PTGFRN: variants seen among roughly 807,000 people sequenced by gnomAD.
The protein encoded by PTGFRN is prostaglandin F2 receptor inhibitor.
Under a neutral mutation model 83.2 loss-of-function variants are expected in PTGFRN, and 35 were observed. The ratio of observed to expected loss-of-function variants is 0.42; its 90% CI spans 0.32 to 0.56. The LOEUF (loss-of-function observed/expected upper bound fraction) is 0.56. PTGFRN is among the 20% of genes least tolerant of loss of function. The pLI is 0.11. For missense variants in PTGFRN, 1,051 were observed against 1,179.5 expected (o/e 0.89, Z 1.60); for synonymous variants, 519 against 498.6 (o/e 1.04, Z -0.55).
intron 1 of PTGFRN, among the ~76,000 whole-genome samples, chr1:116,921,653 G>T (rs565753391): frequency 6.6e-6 from 1 of 150,424 alleles, no homozygotes; most frequent in Admixed American, 6.6e-5. Context: ...TAGTACTTCC[G>T]CAGCATTAAG....
chr1:116,986,589 G>A (rs142939996), intron 8 of PTGFRN, among the ~76,000 whole-genome samples: 3 of 152,316 alleles, frequency 2.0e-5, no homozygotes, highest in East Asian at 1.9e-4. Flanking sequence ...TATTCTCCCC[G>A]CAGAGCTGGG....
chr1:116,955,406 A>G (rs1650461725), intron 4 of PTGFRN, among the ~76,000 whole-genome samples: 1 of 152,244 alleles, frequency 6.6e-6, no homozygotes, highest in South Asian at 2.1e-4. Context: ...AACTTCAACA[A>G]TAATCAATAT....
chr1:116,983,498 C>CAA (rs71096893), intron 7 of PTGFRN, among the ~76,000 whole-genome samples: 13 of 104,012 alleles, frequency 1.2e-4, no homozygotes, highest in South Asian at 3.1e-4. Flanking sequence ...ACACTGGGAA[C>CAA]AAAAAAAAAA....
chr1:116,942,914 C>T (rs1650095947), intron 2 of PTGFRN, among the ~76,000 whole-genome samples: 1 of 152,198 alleles, frequency 6.6e-6, no homozygotes, highest in African/African-American at 2.4e-5. Flanking sequence ...AGGTTAATTA[C>T]TTTCCTAAAA....
At chr1:116,959,678 C>T (rs1030032179) in intron 4 of PTGFRN, among the ~76,000 whole-genome samples, 2 of 152,092 alleles carry the variant, frequency 1.3e-5, no homozygotes, top group African/African-American at 2.4e-5. Flanking sequence ...GGAAGAAAAA[C>T]GTAGCCCTTT....
Position 116,961,281 on chromosome 1 carries a change from C to G in PTGFRN, c.1252C>G (p.Pro418Ala), listed in dbSNP as rs202207797. The G allele has an allele frequency of 3.9e-6, 6 of 1,533,684 alleles. No homozygotes were observed. In the Admixed American group the frequency reaches 1.0e-4, roughly 26 times the overall value. The change falls in exon 5 of 9, where the codon CCC becomes GCC. Residue 418 changes from proline to alanine, a missense_variant. Pro to Ala is a conservative substitution (Grantham distance 27, BLOSUM62 -1). Coordinates refer to ENST00000393203, the MANE Select transcript of PTGFRN (RefSeq NM_020440.4). The surrounding 1 kb of genome is among the most constrained non-coding windows in gnomAD (Gnocchi z 5.4). ...GGTGTACCTGAATGCTTCCAAGGTC[C>G]CCGGGTTTGCGGATGACCCCACAGA... The part of the protein sequence containing the change: ...YQVYLNASKV[P>A]GFADDPTELA...
rs1340126979 is a variant in PTGFRN at position 116,923,885 on chromosome 1, A to C, written c.49+13633A>C. Among the ~76,000 whole-genome samples, 3 of 152,132 alleles carry C rather than the reference A, an allele frequency of 2.0e-5. No individual in the cohort carries two copies. The highest frequency in any genetic ancestry group is 7.2e-5 in the African/African-American group (3 of 41,410). ...ATTCTGGATCTGGGGGCACCTAAAA[A>C]CATAGATCGACACAGTCCTTTGACT... On this transcript the variant is annotated intron_variant, in intron 1 of 8. Coordinates refer to ENST00000393203, the MANE Select transcript of PTGFRN (RefSeq NM_020440.4). This position sits in a 1 kb window ranked among gnomAD's most constrained non-coding sequence, Gnocchi z 4.0.
intron 8 of PTGFRN, 99 bp from the exon 9 acceptor site, chr1:116,986,702 C>A: frequency 1.7e-6 from 2 of 1,209,912 alleles, no homozygotes; most frequent in African/African-American, 1.5e-5. Context: ...CCTTATCTCT[C>A]GGGAGATCCT....
chr1:116,960,492 G>A (rs1226665734), intron 4 of PTGFRN, among the ~76,000 whole-genome samples: 7 of 152,194 alleles, frequency 4.6e-5, no homozygotes, highest in African/African-American at 1.7e-4. Flanking sequence ...GCAAGGGGAT[G>A]CTAGGAGAAT....
intron 4 of PTGFRN, among the ~76,000 whole-genome samples, 183 bp downstream of exon 4, chr1:116,949,755 G>A (rs1450142754): frequency 6.6e-6 from 1 of 152,222 alleles, no homozygotes; most frequent in Non-Finnish European, 1.5e-5. Context: ...GCAGACAAGG[G>A]AAATGTTTAG....
intron 5 of PTGFRN, among the ~76,000 whole-genome samples, chr1:116,962,125 G>A (rs776652226): frequency 6.6e-5 from 10 of 152,240 alleles, no homozygotes; most frequent in South Asian, 4.2e-4. Context: ...CTTCCAGGTC[G>A]TTTTCGCTCA....
rs1651393388 is a variant in PTGFRN, at chr1:116,984,054, T to TAA, written c.2168-624_2168-623dup. Among the ~76,000 whole-genome samples the TAA allele has an allele frequency of 2.0e-5, 3 of 152,262 alleles. No homozygotes were observed. In the South Asian group the frequency reaches 6.2e-4, roughly 31 times the overall value. On this transcript the variant is annotated intron_variant, in intron 7 of 8. Transcript: ENST00000393203. The stretch of plus-strand genomic sequence containing the variant: ...ATTCAGCATTACTCTCTGGGACTGT[T>TAA]AAACTGTGTTCCATTTTCTCAGCTT...
At chr1:116,930,015 C>T (rs921137952) in intron 1 of PTGFRN, among the ~76,000 whole-genome samples, 1 of 152,232 alleles carries the variant, frequency 6.6e-6, no homozygotes, top group African/African-American at 2.4e-5. Flanking sequence ...TCTCAGCACC[C>T]ACCTTCCTTG....
chr1:116,930,857 C>T (rs1227151509), intron 1 of PTGFRN, among the ~76,000 whole-genome samples: 1 of 152,142 alleles, frequency 6.6e-6, no homozygotes, highest in Admixed American at 6.5e-5. Context: ...TTATGCTACA[C>T]CCCTTATCTC....
At chr1:116,927,601 A>G (rs185101985) in intron 1 of PTGFRN, among the ~76,000 whole-genome samples, 1 of 143,666 alleles carries the variant, frequency 7.0e-6, no homozygotes, top group East Asian at 2.0e-4. Context: ...TGGTGCAATC[A>G]TGACTCACTG....
chr1:116,931,599 C>G (rs1287520592), intron 1 of PTGFRN, among the ~76,000 whole-genome samples: 1 of 151,118 alleles, frequency 6.6e-6, no homozygotes, highest in Non-Finnish European at 1.5e-5. Context: ...ATTACACATT[C>G]TCTGCTGTCT....
intron 1 of PTGFRN, among the ~76,000 whole-genome samples, chr1:116,924,904 C>G (rs1305161004): frequency 2.6e-5 from 4 of 152,138 alleles, no homozygotes; most frequent in Non-Finnish European, 1.5e-5. Context: ...CCTCCAGAGT[C>G]TCACAGGGAG....
chr1:116,929,151 C>T (rs756285649), intron 1 of PTGFRN, among the ~76,000 whole-genome samples: 2 of 152,194 alleles, frequency 1.3e-5, no homozygotes, highest in Non-Finnish European at 2.9e-5. Context: ...GCCAGATGCT[C>T]AAGCCAGAAG....
At chr1:116,964,205 T>C (rs1025000411) in intron 5 of PTGFRN, among the ~76,000 whole-genome samples, 2 of 152,342 alleles carry the variant, frequency 1.3e-5, no homozygotes, top group South Asian at 4.1e-4. Context: ...ATACTCAGTG[T>C]GTCTGGTTTT....
Sources: allele counts gnomAD v4.1 joint callset (sites outside exome capture counted in the v4.1 genomes callset), GRCh38; gene constraint gnomAD v4.1.1; non-coding constraint Gnocchi (gnomAD v3.1); transcripts MANE v1.5; gene names NCBI Gene and HGNC (gene_info 2026-07-23, HGNC 2026-07-21).